The following NEXMIF variants were observed in gnomAD, a reference collection of about 807,000 sequenced individuals.
The protein encoded by NEXMIF is neurite extension and migration factor, also known as XLMR protein related to neurite extension.
A neutral mutation model predicts 62.1 loss-of-function variants in NEXMIF; 8 were observed. The observed-to-expected ratio is 0.13, with a 90% confidence interval of 0.08 to 0.23. The LOEUF (loss-of-function observed/expected upper bound fraction) is 0.23. Ranked by LOEUF, NEXMIF falls within the 10% of genes least tolerant of loss-of-function variation. The pLI is 1.00. For synonymous variants in NEXMIF, 404 were observed against 416.6 expected, an observed-to-expected ratio of 0.97 and a Z score of 0.37; for missense variants, 976 against 1,113.3, an observed-to-expected ratio of 0.88 and a Z score of 1.75.
chrX:74,789,104 T>C (rs1402977892), intron 1 of NEXMIF, among the ~76,000 whole-genome samples: 3 of 103,727 alleles, frequency 2.9e-5, no homozygotes, highest in Non-Finnish European at 3.9e-5. Context: ...ATTAGGTATA[T>C]CTCCCAATGC....
intron 1 of NEXMIF, among the ~76,000 whole-genome samples, chrX:74,761,879 C>T (rs1041748632): frequency 3.6e-5 from 4 of 110,780 alleles, no homozygotes; most frequent in Admixed American, 9.7e-5. Context: ...CTTTTAACAC[C>T]GCGTCCCAGA....
At chrX:74,881,582 G>A (rs757310665) in intron 1 of NEXMIF, among the ~76,000 whole-genome samples, 2 of 77,923 alleles carry the variant, frequency 2.6e-5, no homozygotes, top group South Asian at 7.9e-4. Flanking sequence ...GCTGCCCTGT[G>A]AATTTTAGGA....
At chrX:74,921,500 T>C (rs1279995633) in intron 1 of NEXMIF, among the ~76,000 whole-genome samples, 1 of 112,070 alleles carries the variant, frequency 8.9e-6, no homozygotes, top group East Asian at 2.8e-4. Flanking sequence ...TGATGCAAAC[T>C]TGTCTGGTGC....
chrX:74,743,317 T>C lies in NEXMIF; in HGVS notation c.1240A>G (p.Ser414Gly), dbSNP rs756683147. Residue 414 changes from serine (S) to glycine (G), a missense_variant, in exon 3 of 4, where the codon AGT becomes GGT. Coordinates refer to ENST00000055682, the MANE Select transcript of NEXMIF (RefSeq NM_001008537.3). ...TTAAGTTGCTCTACTTCAGTCCCAC[T>C]GCATGGTTTATTTAAGGCAGGCTTT... ...GEKPALNKPC[S>G]GTEVEQLKNP... 43 of 1,209,875 alleles carry C rather than the reference T, an allele frequency of 3.6e-5. No individual in the cohort carries two copies. Among genetic ancestry groups the C allele is most frequent in the Non-Finnish European group, 4.7e-5 (42 of 895,063 alleles).
intron 1 of NEXMIF, among the ~76,000 whole-genome samples, chrX:74,778,778 G>A (rs1391253174): frequency 9.0e-6 from 1 of 111,612 alleles, no homozygotes; most frequent in East Asian, 2.8e-4. Context: ...AACCTCCAGA[G>A]TAGCTGGGAT....
intron 1 of NEXMIF, among the ~76,000 whole-genome samples, chrX:74,915,967 C>T (rs868863222): frequency 8.9e-6 from 1 of 111,787 alleles, no homozygotes; most frequent in Non-Finnish European, 1.9e-5. Context: ...TTTTAAACCA[C>T]TAAGATTTTG....
chrX:74,885,171 C>T (rs768821289), intron 1 of NEXMIF, among the ~76,000 whole-genome samples: 8 of 110,801 alleles, frequency 7.2e-5, no homozygotes, highest in Admixed American at 6.7e-4. Flanking sequence ...ATTTATAGCA[C>T]TAAATGCCCA....
At chrX:74,878,324 C>G in intron 1 of NEXMIF, among the ~76,000 whole-genome samples, 1 of 112,148 alleles carries the variant, frequency 8.9e-6, no homozygotes. Flanking sequence ...CAGGGACCCA[C>G]TTGAGGAGGC....
intron 1 of NEXMIF, among the ~76,000 whole-genome samples, chrX:74,787,144 G>C (rs1035927263): frequency 9.4e-6 from 1 of 106,380 alleles, no homozygotes; most frequent in African/African-American, 3.4e-5. Flanking sequence ...TTAGCCAGGC[G>C]TGGTGGTGGG....
chrX:74,809,973 A>G (rs1009110193), intron 1 of NEXMIF, among the ~76,000 whole-genome samples: 1 of 112,036 alleles, frequency 8.9e-6, no homozygotes, highest in African/African-American at 3.2e-5. Flanking sequence ...TTTAAATAGG[A>G]TTACAAAATA....
At chrX:74,842,440 G>A (rs2080477014) in intron 1 of NEXMIF, among the ~76,000 whole-genome samples, 1 of 111,423 alleles carries the variant, frequency 9.0e-6, no homozygotes, top group Non-Finnish European at 1.9e-5. Flanking sequence ...TGGATTCACT[G>A]ATCTTTTGAT....
intron 1 of NEXMIF, among the ~76,000 whole-genome samples, chrX:74,842,095 A>C (rs1290243220): frequency 9.0e-6 from 1 of 111,417 alleles, no homozygotes; most frequent in African/African-American, 3.3e-5. Flanking sequence ...TCTATTGTGA[A>C]TCTATCAGGT....
chrX:74,884,801 A>G (rs977584779), intron 1 of NEXMIF, among the ~76,000 whole-genome samples: 16 of 111,795 alleles, frequency 1.4e-4, no homozygotes, highest in Non-Finnish European at 2.6e-4. Context: ...CGGGCCTAAT[A>G]GACATCTACA....
intron 1 of NEXMIF, among the ~76,000 whole-genome samples, chrX:74,837,005 G>A (rs2080459183): frequency 9.0e-6 from 1 of 111,452 alleles, no homozygotes. Flanking sequence ...CTCTGGCTAG[G>A]GCTGCTGCAA....
At chrX:74,828,526 T>C in intron 1 of NEXMIF, among the ~76,000 whole-genome samples, 1 of 112,301 alleles carries the variant, frequency 8.9e-6, no homozygotes, top group South Asian at 3.7e-4. Context: ...AAAATGAATG[T>C]TACCAACTTG....
intron 1 of NEXMIF, among the ~76,000 whole-genome samples, chrX:74,815,400 T>A (rs888925556): frequency 9.0e-6 from 1 of 111,332 alleles, no homozygotes; most frequent in African/African-American, 3.3e-5. Flanking sequence ...AATACGATGC[T>A]AGCAATACCC....
chrX:74,884,505 G>A (rs1328693957), intron 1 of NEXMIF, among the ~76,000 whole-genome samples: 2 of 111,544 alleles, frequency 1.8e-5, no homozygotes, highest in Non-Finnish European at 3.8e-5. Flanking sequence ...CCTAGTCTCT[G>A]ATAAAACAAA....
chrX:74,863,351 C>T, intron 1 of NEXMIF, among the ~76,000 whole-genome samples: 1 of 110,362 alleles, frequency 9.1e-6, no homozygotes, highest in Non-Finnish European at 1.9e-5. Context: ...AGGCTGGTTT[C>T]TTCAAAAAAA....
chrX:74,815,961 G>A (rs1050147220), intron 1 of NEXMIF, among the ~76,000 whole-genome samples: 1 of 111,217 alleles, frequency 9.0e-6, no homozygotes, highest in African/African-American at 3.3e-5. Flanking sequence ...ATGAATTCTT[G>A]TTCTCTAACA....
Sources: gnomAD v4.1 joint callset for allele counts (sites outside exome capture counted in the v4.1 genomes callset) on GRCh38, gnomAD v4.1.1 for gene constraint, MANE v1.5 for transcripts, NCBI Gene and HGNC (gene_info 2026-07-23, HGNC 2026-07-21) for gene names.